Variants in PSMC4 observed in about 807,000 individuals in gnomAD.
The protein encoded by PSMC4 is 26S proteasome regulatory subunit 6B.
In PSMC4, 13 loss-of-function variants were observed where a neutral mutation model predicts 48.4. The ratio of observed to expected loss-of-function variants is 0.27; its 90% CI spans 0.18 to 0.43. PSMC4 has a LOEUF of 0.43. PSMC4 is among the 20% of genes least tolerant of loss of function. PSMC4 has a pLI of 1.00. For missense variants in PSMC4, 262 were observed against 555.9 expected (o/e 0.47, Z 5.32); for synonymous variants, 202 against 212.3 (o/e 0.95, Z 0.42).
At chr19:39,979,579 G>T in intron 6 of PSMC4, 2 of 334,282 alleles carry the variant, frequency 6.0e-6, no homozygotes, top group East Asian at 4.6e-5. Flanking sequence ...AAAAAAAAGT[G>T]ACACATTTGT....
chr19:39,972,735 AT>A (rs1280177335), intron 3 of PSMC4, among the ~76,000 whole-genome samples, 180 bp downstream of exon 3: 1 of 149,068 alleles, frequency 6.7e-6, no homozygotes, highest in African/African-American at 2.6e-5. Context: ...ATGTATATCT[AT>A]GTTTTTTTTG....
intron 1 of PSMC4, among the ~76,000 whole-genome samples, chr19:39,971,483 G>A (rs1455565081): frequency 6.6e-6 from 1 of 152,162 alleles, no homozygotes; most frequent in Non-Finnish European, 1.5e-5. Context: ...GAGACGGATT[G>A]ATTTCGAACC....
intron 10 of PSMC4, 84 bp from the exon 11 acceptor site, chr19:39,981,108 C>T: frequency 9.7e-7 from 1 of 1,027,626 alleles, no homozygotes; most frequent in Non-Finnish European, 1.5e-6. Context: ...CTGTATACCT[C>T]AGCCTCCCAA....
intron 3 of PSMC4, among the ~76,000 whole-genome samples, chr19:39,973,477 A>G (rs424353): frequency 0.2 from 29,771 of 151,252 alleles, 6,265 homozygotes; most frequent in African/African-American, 0.53. Flanking sequence ...CCAGCTACGC[A>G]GGTGGTTGAG....
chr19:39,975,862 C>T (rs1238429101), intron 6 of PSMC4, among the ~76,000 whole-genome samples: 1 of 152,058 alleles, frequency 6.6e-6, no homozygotes, highest in Admixed American at 6.6e-5. Context: ...ATGTCCCTTG[C>T]CTTGACTGGG....
At chr19:39,979,002 G>A (rs1005916055) in intron 6 of PSMC4, among the ~76,000 whole-genome samples, 1 of 152,128 alleles carries the variant, frequency 6.6e-6, no homozygotes, top group Non-Finnish European at 1.5e-5. Context: ...GGAGGGCCCA[G>A]AACAAATCTG....
rs1971164238 is a variant in PSMC4, at chr19:39,974,539, T to C, written c.485T>C (p.Val162Ala). 1 of 1,614,068 alleles carries C rather than the reference T, an allele frequency of 6.2e-7. No individual in the cohort carries two copies. The highest frequency in any genetic ancestry group is 2.2e-5 in the East Asian group (1 of 44,858). Residue 162 changes from valine (V) to alanine (A), a missense_variant, in exon 5 of 11, where the codon GTG (valine) becomes GCG (alanine). Physicochemically the swap from Val to Ala is moderately conservative, Grantham distance 64. Transcript: ENST00000157812. The surrounding 1 kb of genome is among the most constrained non-coding windows in gnomAD (Gnocchi z 5.5). Reference sequence around the variant, plus strand: ...CTCCCACCAGACCAGAAGCCAGATGTGATGTACGCGGACATCGGAGGCATG... The same window carrying C: ...CTCCCACCAGACCAGAAGCCAGATGCGATGTACGCGGACATCGGAGGCATG... ...MMLTSDQKPDVMYADIGGMDI... is the reference protein window; with the variant it reads ...MMLTSDQKPDAMYADIGGMDI...
At position 39,981,257 on chromosome 19, in the gene PSMC4, C is replaced by T. The variant is rs963850408; in HGVS notation, c.1209C>T (p.Tyr403=). 2 of 1,613,974 alleles carry T rather than the reference C, an allele frequency of 1.2e-6. No homozygotes were observed. The highest frequency in any genetic ancestry group is 1.3e-5 in the African/African-American group (1 of 74,908). ...IVLAKDFEKA[Y]KTVIKKDEQE... ...TGGCCAAGGACTTCGAGAAAGCATA[C>T]AAGACTGTCATCAAGAAGGACGAGC... is the stretch of plus-strand genomic sequence containing the variant. Residue 403 remains tyrosine (Y), a synonymous_variant, in exon 11 of 11, where the codon TAC becomes TAT. Transcript: ENST00000157812.
Position 39,980,858 on chromosome 19 carries a change from G to C in PSMC4, c.1143+141G>C. The stretch of plus-strand genomic sequence containing the variant: ...TCTCTCTTCCTCTACCATCACTAGG[G>C]GTGGATAGTACAGGGGTAGTGTTTT... On this transcript the variant is annotated intron_variant, in intron 10 of 10. Transcript: ENST00000157812. This position sits in a 1 kb window ranked among gnomAD's most constrained non-coding sequence, Gnocchi z 4.8. 1 of 841,990 alleles carries C rather than the reference G, an allele frequency of 1.2e-6. No homozygotes were observed. Among genetic ancestry groups the C allele is most frequent in the South Asian group, 1.4e-5 (1 of 69,140 alleles). The allele number at this position is 841,990 out of a possible 1,614,324, so 52.2% of individuals were successfully genotyped here.
At chr19:39,978,202 A>T (rs1175279442) in intron 6 of PSMC4, among the ~76,000 whole-genome samples, 1 of 152,152 alleles carries the variant, frequency 6.6e-6, no homozygotes, top group South Asian at 2.1e-4. Context: ...GCAGGAGCCC[A>T]TTCCAGGATA....
chr19:39,972,540 G>C lies in PSMC4; in HGVS notation c.307G>C (p.Val103Leu), dbSNP rs765036607. The C allele has an allele frequency of 6.2e-7, 1 of 1,612,876 alleles. No individual in the cohort carries two copies. Residue 103 changes from valine (V) to leucine (L), a missense_variant, in exon 3 of 11, where the codon GTG (valine) becomes CTG (leucine). Coordinates refer to ENST00000157812, the MANE Select transcript of PSMC4 (RefSeq NM_006503.4). ...LEAVDQNTAIVGSTTGSNYYV... is the reference protein window; with the variant it reads ...LEAVDQNTAILGSTTGSNYYV... ...GGCTGTGGATCAGAATACAGCCATCGTGGGCTCTACCACAGGTGTGCTAAG... is the reference window on the plus strand; with the variant it reads ...GGCTGTGGATCAGAATACAGCCATCCTGGGCTCTACCACAGGTGTGCTAAG...
chr19:39,978,017 G>A (rs965307435), intron 6 of PSMC4, among the ~76,000 whole-genome samples: 2 of 152,024 alleles, frequency 1.3e-5, no homozygotes, highest in Admixed American at 6.6e-5. Flanking sequence ...TAGAGACAGG[G>A]TCTTGCTATG....
At chr19:39,979,694 A>C in intron 6 of PSMC4, 123 bp from the exon 7 acceptor site, 1 of 1,008,100 alleles carries the variant, frequency 9.9e-7, no homozygotes, top group Non-Finnish European at 1.4e-6. Context: ...AGGGAATGAC[A>C]CAACTACTAG....
In PSMC4 at chr19:39,980,627, A is replaced by T. The variant is rs1971273771; in HGVS notation, c.1088-35A>T. On this transcript the variant is annotated intron_variant, in intron 9 of 10. Transcript: ENST00000157812. The surrounding 1 kb of genome is among the most constrained non-coding windows in gnomAD (Gnocchi z 4.8). ...ACTTCCAGCCCCAGGCATTTACCCC[A>T]TCACACAGGGAATAGTTTCCTTAAC... 6.2e-7 allele frequency: 1 copy of T among 1,611,716 alleles called. No homozygotes were observed. The highest frequency in any genetic ancestry group is 8.5e-7 in the Non-Finnish European group (1 of 1,177,930).
chr19:39,977,964 G>A (rs755851112), intron 6 of PSMC4, among the ~76,000 whole-genome samples: 4 of 151,962 alleles, frequency 2.6e-5, no homozygotes, highest in Non-Finnish European at 2.9e-5. Context: ...GACTACAGGC[G>A]TGTGCCACCA....
Position 39,972,440 on chromosome 19 carries a change from A to G in PSMC4, c.207A>G (p.Lys69=), listed in dbSNP as rs778039907. The G allele has an allele frequency of 6.2e-7, 1 of 1,614,156 alleles. No homozygotes were observed. The highest frequency in any genetic ancestry group is 8.5e-7 in the Non-Finnish European group (1 of 1,180,036). The change falls in exon 3 of 11, where the codon AAA becomes AAG. Residue 69 remains lysine, a synonymous_variant. Coordinates refer to ENST00000157812, the MANE Select transcript of PSMC4 (RefSeq NM_006503.4). The part of the protein sequence containing the change: ...EYIKDEQKNL[K]KEFLHAQEEV... ...TCAAAGATGAGCAAAAGAACCTGAAAAAGGAATTTCTCCATGCCCAGGAGG... is the reference window on the plus strand; with the variant it reads ...TCAAAGATGAGCAAAAGAACCTGAAGAAGGAATTTCTCCATGCCCAGGAGG...
At chr19:39,978,496 G>A (rs924653039) in intron 6 of PSMC4, among the ~76,000 whole-genome samples, 6 of 152,248 alleles carry the variant, frequency 3.9e-5, no homozygotes, top group Non-Finnish European at 7.4e-5. Context: ...GCTGATGCAA[G>A]TATCAAGAAA....
In PSMC4 at chr19:39,980,086, G is replaced by A. The variant is rs376439285; in HGVS notation, c.858G>A (p.Gln286=). 22 of 1,614,054 alleles carry A rather than the reference G, an allele frequency of 1.4e-5. No individual in the cohort carries two copies. In the African/African-American group the frequency reaches 2.8e-4, roughly 21 times the overall value. ...CACTCTCAGCCGACAGGGAGGTTCA[G>A]AGGATCCTGCTGGAGCTGCTGAATC... is the stretch of plus-strand genomic sequence containing the variant. ...DAQTGADREV[Q]RILLELLNQM... is the part of the protein sequence containing the mutation. Residue 286 remains glutamine, a synonymous_variant, in exon 8 of 11, where the codon CAG becomes CAA. Transcript: ENST00000157812. This position sits in a 1 kb window ranked among gnomAD's most constrained non-coding sequence, Gnocchi z 4.8.
At position 39,974,190 on chromosome 19, in the gene PSMC4, G is replaced by T; in HGVS notation, c.323-104G>T. On this transcript the variant is annotated intron_variant, in intron 3 of 10. Transcript: ENST00000157812. This position sits in a 1 kb window ranked among gnomAD's most constrained non-coding sequence, Gnocchi z 5.5. The stretch of plus-strand genomic sequence containing the variant: ...CTGGAGGCCGAGAGGGGACCCCTCA[G>T]GGTCTGAACCAGAGATGTTGGGGTG... The T allele has an allele frequency of 6.9e-7, 1 of 1,447,072 alleles. No individual in the cohort carries two copies. 89.6% of individuals were successfully genotyped at this position (1,447,072 alleles called of 1,614,324 possible).
Sources: gnomAD v4.1 joint callset for allele counts (sites outside exome capture counted in the v4.1 genomes callset) on GRCh38, gnomAD v4.1.1 for gene constraint, Gnocchi (gnomAD v3.1) non-coding constraint, MANE v1.5 for transcripts, NCBI Gene and HGNC (gene_info 2026-07-23, HGNC 2026-07-21) for gene names.